The following MKLN1 variants were observed in gnomAD, a reference collection of about 807,000 sequenced individuals.
The protein encoded by MKLN1 is muskelin.
In MKLN1, 18 loss-of-function variants were observed where a neutral mutation model predicts 99.0. The ratio of observed to expected loss-of-function variants is 0.18; its 90% CI spans 0.13 to 0.27. MKLN1 has a LOEUF of 0.27. MKLN1 is among the 10% of genes least tolerant of loss of function. The pLI is 1.00. For missense variants in MKLN1, 621 were observed against 875.9 expected (o/e 0.71, Z 3.67); for synonymous variants, 288 against 293.2 (o/e 0.98, Z 0.18).
intron 5 of MKLN1, among the ~76,000 whole-genome samples, 182 bp downstream of exon 5, chr7:131,397,558 A>G (rs1794396511): frequency 6.6e-6 from 1 of 152,210 alleles, no homozygotes; most frequent in Non-Finnish European, 1.5e-5. Context: ...CTTAGTCATT[A>G]TCACTCTATG....
At chr7:131,114,502 C>T (rs1280126448) in intron 1 of MKLN1, among the ~76,000 whole-genome samples, 1 of 151,978 alleles carries the variant, frequency 6.6e-6, no homozygotes, top group South Asian at 2.1e-4. Flanking sequence ...TACTTTGGAA[C>T]CCTATGAAAA....
intron 1 of MKLN1, among the ~76,000 whole-genome samples, chr7:131,141,953 G>A: frequency 6.6e-6 from 1 of 152,208 alleles, no homozygotes; most frequent in Non-Finnish European, 1.5e-5. Flanking sequence ...GAATGAATGT[G>A]AATGTCAAAG....
rs58800874 is a variant in MKLN1 at position 131,202,146 on chromosome 7, C to CTTTTTTTTTTTTTT, written c.-296-692_-296-679dup. ...GGTTTCTCCACTTTGGCACTATTGA[C>CTTTTTTTTTTTTTT]TTTTTTTTTTTTTTTTTTTTTTTTT... On this transcript the variant is annotated intron_variant, in intron 2 of 7. Coordinates refer to the MKLN1 transcript ENST00000416992. Among the ~76,000 whole-genome samples, 19 of 60,274 alleles carry CTTTTTTTTTTTTTT rather than the reference C, an allele frequency of 3.2e-4. 2 individuals are homozygous for CTTTTTTTTTTTTTT. The highest frequency in any genetic ancestry group is 4.5e-4 in the Non-Finnish European group (14 of 31,390). 39.5% of individuals were successfully genotyped at this position (60,274 alleles called of 152,430 possible).
In MKLN1 at chr7:131,445,759, T is replaced by C. The variant is rs1563352843; in HGVS notation, c.1396-15T>C. 2 of 1,582,688 alleles carry C rather than the reference T, an allele frequency of 1.3e-6. No individual in the cohort carries two copies. Among genetic ancestry groups the C allele is most frequent in the Middle Eastern group, 1.7e-4 (1 of 5,870 alleles). ...GATAAGTTACTCCTTTCTTTTTTTT[T>C]TTCTTCTTTTTCAGAAAAATCGTTG... On this transcript the variant is annotated splice_polypyrimidine_tract_variant and intron_variant, in intron 11 of 17. Coordinates refer to ENST00000352689, the MANE Select transcript of MKLN1 (RefSeq NM_013255.5).
In MKLN1 at chr7:131,180,439, C is replaced by T. The variant is rs147008639; in HGVS notation, c.-296-22418C>T. ...TAAGGCCGGGCGCAGTGGCTCACGC[C>T]TGTAATCCCAGCACTTTGGGAGGCC... On this transcript the variant is annotated intron_variant, in intron 2 of 7. Coordinates refer to the MKLN1 transcript ENST00000416992. Among the ~76,000 whole-genome samples the T allele has an allele frequency of 4.1e-3, 628 of 152,316 alleles. 5 individuals are homozygous for T. The highest frequency in any genetic ancestry group is 5.9e-3 in the Non-Finnish European group (398 of 68,030).
intron 2 of MKLN1, among the ~76,000 whole-genome samples, chr7:131,187,932 G>A (rs1346122808): frequency 6.6e-6 from 1 of 152,048 alleles, no homozygotes; most frequent in African/African-American, 2.4e-5. Flanking sequence ...CCCCAGCCTG[G>A]GTGACAGAGT....
chr7:131,117,192 G>A lies in MKLN1; in HGVS notation c.-419+6985G>A, dbSNP rs1315316433. 2.6e-5 allele frequency among the ~76,000 whole-genome samples: 4 copies of A among 152,224 alleles called. No individual in the cohort carries two copies. The South Asian group carries it at 8.3e-4, about 32-fold the overall frequency. On this transcript the variant is annotated intron_variant, in intron 1 of 7. Coordinates refer to the MKLN1 transcript ENST00000416992. ...CAGGCCTGTAATCCCAGCACTTTGG[G>A]AGGCTGAGGTGGGCGGATCACGAGG...
chr7:131,476,433 A>C (rs923096833), intron 16 of MKLN1, among the ~76,000 whole-genome samples: 1 of 152,316 alleles, frequency 6.6e-6, no homozygotes, highest in Middle Eastern at 3.4e-3. Context: ...AGGACAAGTG[A>C]ATTTAGCAAG....
At chr7:131,390,997 C>A (rs973596379) in intron 4 of MKLN1, among the ~76,000 whole-genome samples, 1 of 151,978 alleles carries the variant, frequency 6.6e-6, no homozygotes, top group African/African-American at 2.4e-5. Flanking sequence ...TCTTACTTTT[C>A]TCTTAAAATA....
chr7:131,355,453 A>G (rs1799844934), intron 1 of MKLN1, among the ~76,000 whole-genome samples: 3 of 151,740 alleles, frequency 2.0e-5, no homozygotes, highest in Non-Finnish European at 1.5e-5. Flanking sequence ...ACATACATAT[A>G]TATATGTATA....
At chr7:131,159,695 T>C (rs1347742987) in intron 2 of MKLN1, among the ~76,000 whole-genome samples, 1 of 152,170 alleles carries the variant, frequency 6.6e-6, no homozygotes, top group East Asian at 1.9e-4. Flanking sequence ...TTATTATATA[T>C]TTCAAAATAG....
intron 2 of MKLN1, among the ~76,000 whole-genome samples, chr7:131,178,555 T>C (rs991088091): frequency 6.6e-6 from 1 of 152,224 alleles, no homozygotes; most frequent in Non-Finnish European, 1.5e-5. Context: ...ATGGACATTG[T>C]GTAAGCATCT....
At chr7:131,288,741 C>T (rs1346717172) in intron 3 of MKLN1, among the ~76,000 whole-genome samples, 1 of 152,116 alleles carries the variant, frequency 6.6e-6, no homozygotes, top group African/African-American at 2.4e-5. Context: ...TGTGACTCTC[C>T]ACTGCCCTTG....
rs745819484 is a variant in MKLN1 at position 131,218,865 on chromosome 7, A to G, written c.-179+15891A>G. ...ATCAGTCTTACCAAGGAGAACAAGC[A>G]TTTTCTTCCCCTCTCCGGAAGACCA... On this transcript the variant is annotated intron_variant, in intron 3 of 7. Coordinates refer to the MKLN1 transcript ENST00000416992. 5.1e-4 allele frequency among the ~76,000 whole-genome samples: 77 copies of G among 152,298 alleles called. 1 individual carries two copies. Among genetic ancestry groups the G allele is most frequent in the Non-Finnish European group, 8.4e-4 (57 of 68,030 alleles).
At chr7:131,186,688 G>A (rs745561505) in intron 2 of MKLN1, among the ~76,000 whole-genome samples, 1 of 152,114 alleles carries the variant, frequency 6.6e-6, no homozygotes, top group Non-Finnish European at 1.5e-5. Context: ...GTTTCTGAAC[G>A]TATGATTGTC....
rs544584369 is a variant in MKLN1, at chr7:131,116,403, T to C, written c.-419+6196T>C. Among the ~76,000 whole-genome samples the C allele has an allele frequency of 1.5e-3, 233 of 152,090 alleles. 1 individual carries two copies. Among genetic ancestry groups the C allele is most frequent in the African/African-American group, 5.5e-3 (230 of 41,442 alleles). On this transcript the variant is annotated intron_variant, in intron 1 of 7. Transcript: ENST00000416992. Reference sequence around the variant, plus strand: ...AGCCTCACTTTGTAGTTAACAATACTATATGCCTCACAAGGCTGTTAGGAA... The same window carrying C: ...AGCCTCACTTTGTAGTTAACAATACCATATGCCTCACAAGGCTGTTAGGAA...
intron 1 of MKLN1, among the ~76,000 whole-genome samples, chr7:131,134,119 C>T (rs886628201): frequency 3.3e-5 from 5 of 152,110 alleles, no homozygotes; most frequent in South Asian, 4.1e-4. Context: ...CATGAGCCAA[C>T]GCGCCCGGCC....
In MKLN1 at chr7:131,489,368, A is replaced by G. The variant is rs1053723449; in HGVS notation, c.*1640A>G. ...ATCTGTACCTTTACTTGTGAAAGGT[A>G]TGCTATATAATTCAGCAAGTACCAA... is the stretch of plus-strand genomic sequence containing the variant. On this transcript the variant is annotated 3_prime_UTR_variant, in exon 18 of 18. Transcript: ENST00000352689. The G allele has an allele frequency of 2.0e-5, 3 of 152,154 alleles. No individual in the cohort carries two copies. Among genetic ancestry groups the G allele is most frequent in the Non-Finnish European group, 4.4e-5 (3 of 68,016 alleles). The allele number at this position is 152,154 out of a possible 1,614,324, so 9.4% of individuals were successfully genotyped here.
At position 131,167,611 on chromosome 7, in the gene MKLN1, G is replaced by A. The variant is rs527517582; in HGVS notation, c.-297+24670G>A. On this transcript the variant is annotated intron_variant, in intron 2 of 7. Transcript: ENST00000416992. ...CACCTGAGCCTGGGAGGTTGAGGCT[G>A]CAGTGAGCTGTTATGGGACCACTGC... Among the ~76,000 whole-genome samples, 339 of 150,434 alleles carry A rather than the reference G, an allele frequency of 2.3e-3. 2 individuals carry two copies. The highest frequency in any genetic ancestry group is 8.0e-3 in the African/African-American group (325 of 40,876).
Sources: gnomAD v4.1 joint callset for allele counts (sites outside exome capture counted in the v4.1 genomes callset) on GRCh38, gnomAD v4.1.1 for gene constraint, MANE v1.5 for transcripts, NCBI Gene and HGNC (gene_info 2026-07-23, HGNC 2026-07-21) for gene names.